BARHL1: variants seen among roughly 807,000 people sequenced by gnomAD.
BARHL1 encodes barH-like 1 homeobox protein.
In BARHL1, 2 loss-of-function variants were observed where a neutral mutation model predicts 20.1. The ratio of observed to expected loss-of-function variants is 0.10; its 90% CI spans 0.04 to 0.31. BARHL1 has a LOEUF of 0.31. BARHL1 is among the 10% of genes least tolerant of loss of function. The pLI is 1.00. For synonymous variants in BARHL1, 213 were observed against 209.9 expected, an observed-to-expected ratio of 1.01 and a Z score of -0.13; for missense variants, 397 against 454.0, an observed-to-expected ratio of 0.87 and a Z score of 1.14.
Position 132,589,293 on chromosome 9 carries a change from C to T in BARHL1, c.755C>T (p.Ala252Val), listed in dbSNP as rs1242466436. The T allele has an allele frequency of 6.2e-7, 1 of 1,613,416 alleles. No individual in the cohort carries two copies. Among genetic ancestry groups the T allele is most frequent in the East Asian group, 2.2e-5 (1 of 44,866 alleles). Residue 252 changes from alanine (A) to valine (V), a missense_variant, in exon 3 of 3, where the codon GCG becomes GTG. Physicochemically the swap from Ala to Val is moderately conservative, Grantham distance 64. This residue lies in a region of BARHL1 where 121 missense variants were observed against 135.9 expected (regional missense o/e 0.89). Transcript: ENST00000263610. Reference sequence around the variant, plus strand: ...CTGGCGGAGGCAGGCAATTACTCAGCGCTCCAGCGGATGTTCCCGTCGCCT... The same window carrying T: ...CTGGCGGAGGCAGGCAATTACTCAGTGCTCCAGCGGATGTTCCCGTCGCCT... ...ELLAEAGNYSALQRMFPSPYF... is the reference protein window; with the variant it reads ...ELLAEAGNYSVLQRMFPSPYF...
chr9:132,588,282 G>A (rs1027971833), intron 2 of BARHL1, among the ~76,000 whole-genome samples: 3 of 152,020 alleles, frequency 2.0e-5, no homozygotes, highest in Admixed American at 6.6e-5. Flanking sequence ...AGTCACACAC[G>A]CACGCACGCT....
chr9:132,587,588 A>G lies in BARHL1; in HGVS notation c.689+37A>G, dbSNP rs754795050. Reference sequence around the variant, plus strand: ...CTGCGGGGGTAGAGGCAGAAAGGGAACTTCCCCTTTCCTCACAGCTCCTGG... The same window carrying G: ...CTGCGGGGGTAGAGGCAGAAAGGGAGCTTCCCCTTTCCTCACAGCTCCTGG... On this transcript the variant is annotated intron_variant, in intron 2 of 2. Coordinates refer to ENST00000263610, the MANE Select transcript of BARHL1 (RefSeq NM_020064.4). The surrounding 1 kb of genome is among the most constrained non-coding windows in gnomAD (Gnocchi z 5.5). The G allele has an allele frequency of 6.4e-7, 1 of 1,560,224 alleles. No individual in the cohort carries two copies. The highest frequency in any genetic ancestry group is 1.4e-5 in the African/African-American group (1 of 73,598).
intron 1 of BARHL1, among the ~76,000 whole-genome samples, chr9:132,586,146 G>A (rs76017446): frequency 1.2e-3 from 179 of 152,212 alleles, no homozygotes; most frequent in Non-Finnish European, 2.0e-3. Context: ...GCAGCGAAGC[G>A]CTGCCTTTTC....
At position 132,589,201 on chromosome 9, in the gene BARHL1, G is replaced by A. The variant is rs201963724; in HGVS notation, c.690-27G>A. ...CGCTGGATGCCCTAGCCCTGATCCC[G>A]CCATACGCGTTTATTTCGGCCCCCA... On this transcript the variant is annotated intron_variant, in intron 2 of 2. Coordinates refer to ENST00000263610, the MANE Select transcript of BARHL1 (RefSeq NM_020064.4). 2.5e-4 allele frequency: 400 copies of A among 1,592,592 alleles called. 3 individuals are homozygous for A. The Admixed American group carries it at 6.3e-3, about 25-fold the overall frequency.
chr9:132,589,618 G>A lies in BARHL1; in HGVS notation c.*96G>A. 8.1e-7 allele frequency: 1 copy of A among 1,229,958 alleles called. No homozygotes were observed. Among genetic ancestry groups the A allele is most frequent in the Non-Finnish European group, 1.0e-6 (1 of 989,588 alleles). The allele number at this position is 1,229,958 out of a possible 1,614,324, so 76.2% of individuals were successfully genotyped here. A position where few individuals can be genotyped will look rare whatever the true frequency, so the allele number is the denominator to read the frequency against. ...GCAGGTTCGACGCCCTTTCCCGGGAGGGGGCCCTGCCCGGCCCTCCCTGGC... is the reference window on the plus strand; with the variant it reads ...GCAGGTTCGACGCCCTTTCCCGGGAAGGGGCCCTGCCCGGCCCTCCCTGGC... On this transcript the variant is annotated 3_prime_UTR_variant, in exon 3 of 3. Coordinates refer to ENST00000263610, the MANE Select transcript of BARHL1 (RefSeq NM_020064.4).
At position 132,583,833 on chromosome 9, in the gene BARHL1, C is replaced by T. The variant is rs575040689; in HGVS notation, c.466+570C>T. ...GAGGCACTCACTTCAAAGCAGAAAC[C>T]TCAGCCAGGAAGCTGCCTGGGAGCA... On this transcript the variant is annotated intron_variant, in intron 1 of 2. Coordinates refer to ENST00000263610, the MANE Select transcript of BARHL1 (RefSeq NM_020064.4). Among the ~76,000 whole-genome samples the T allele has an allele frequency of 8.5e-5, 13 of 152,306 alleles. No individual in the cohort carries two copies. The South Asian group carries it at 2.7e-3, about 32-fold the overall frequency.
At chr9:132,588,878 G>T in intron 2 of BARHL1, among the ~76,000 whole-genome samples, 1 of 152,108 alleles carries the variant, frequency 6.6e-6, no homozygotes, top group East Asian at 1.9e-4. Flanking sequence ...CCCCTACCCA[G>T]CTCCAAGGGT....
rs773508741 is a variant in BARHL1 at position 132,582,885 on chromosome 9, G to T, written c.88G>T (p.Gly30Trp). 3 of 1,613,150 alleles carry T rather than the reference G, an allele frequency of 1.9e-6. No homozygotes were observed. The highest frequency in any genetic ancestry group is 2.5e-6 in the Non-Finnish European group (3 of 1,179,892). Residue 30 changes from glycine (G) to tryptophan (W), a missense_variant, in exon 1 of 3, where the codon GGG becomes TGG. By Grantham distance (184) the Gly-to-Trp change is radical (BLOSUM62 -2). Coordinates refer to ENST00000263610, the MANE Select transcript of BARHL1 (RefSeq NM_020064.4). ...PALPKGDPLL[G>W]DCRSPLELSP... ...CCTTCCCAAGGGGGACCCCTTGCTC[G>T]GGGACTGCCGTTCGCCCCTGGAGCT...
Position 132,589,603 on chromosome 9 carries a change from C to T in BARHL1, c.*81C>T. The T allele has an allele frequency of 8.1e-7, 1 of 1,233,824 alleles. No individual in the cohort carries two copies. The highest frequency in any genetic ancestry group is 3.8e-5 in the South Asian group (1 of 26,418). The allele number at this position is 1,233,824 out of a possible 1,614,324, so 76.4% of individuals were successfully genotyped here. A position where few individuals can be genotyped will look rare whatever the true frequency, so the allele number is the denominator to read the frequency against. ...CGCCTTTCTGAGGGCGCAGGTTCGA[C>T]GCCCTTTCCCGGGAGGGGGCCCTGC... On this transcript the variant is annotated 3_prime_UTR_variant, in exon 3 of 3. Coordinates refer to ENST00000263610, the MANE Select transcript of BARHL1 (RefSeq NM_020064.4).
In BARHL1 at chr9:132,583,277, A is replaced by G. The variant is rs1420565845; in HGVS notation, c.466+14A>G. The G allele has an allele frequency of 1.3e-6, 2 of 1,589,812 alleles. No individual in the cohort carries two copies. Among genetic ancestry groups the G allele is most frequent in the Middle Eastern group, 1.7e-4 (1 of 5,964 alleles). ...CTGAGTATAAAGGTAAGAAAGCAGG[A>G]GGTGAAAACTTGGGGGGATGCTATG... On this transcript the variant is annotated intron_variant, in intron 1 of 2. Transcript: ENST00000263610.
Position 132,587,971 on chromosome 9 carries a change from TG to T in BARHL1, c.689+424del, listed in dbSNP as rs1431162384. Among the ~76,000 whole-genome samples, 1 of 152,130 alleles carries T rather than the reference TG, an allele frequency of 6.6e-6. No individual in the cohort carries two copies. Among genetic ancestry groups the T allele is most frequent in the Non-Finnish European group, 1.5e-5 (1 of 68,008 alleles). ...AAGAGGACGGCCAGGCAGTGGCCCT[TG>T]GGGTGTTGAAGCCTGGCCCAGACCG... is the stretch of plus-strand genomic sequence containing the variant. On this transcript the variant is annotated intron_variant, in intron 2 of 2. Transcript: ENST00000263610. The surrounding 1 kb of genome is among the most constrained non-coding windows in gnomAD (Gnocchi z 5.5).
In BARHL1 at chr9:132,582,864, C is replaced by T. The variant is rs528213989; in HGVS notation, c.67C>T (p.Pro23Ser). 27 of 1,612,572 alleles carry T rather than the reference C, an allele frequency of 1.7e-5. 1 individual carries two copies. The East Asian group carries it at 2.5e-4, about 15-fold the overall frequency. Reference protein sequence around the residue: ...LSHRAGSPALPKGDPLLGDCR... With the variant: ...LSHRAGSPALSKGDPLLGDCR... ...CCACCGCGCGGGCAGCCCCGCCCTT[C>T]CCAAGGGGGACCCCTTGCTCGGGGA... The change falls in exon 1 of 3, where the codon CCC becomes TCC. Residue 23 changes from proline to serine, a missense_variant. Physicochemically the swap from Pro to Ser is moderately conservative, Grantham distance 74. Around this residue, in one of 3 missense-constraint regions of BARHL1, gnomAD observed 272 missense variants for 298.7 expected, o/e 0.91. Transcript: ENST00000263610.
chr9:132,582,782 A>G lies in BARHL1; in HGVS notation c.-16A>G. On this transcript the variant is annotated 5_prime_UTR_variant, in exon 1 of 3. Transcript: ENST00000263610. ...TGGGTGGGGAGCTTTTGGGGAGGAC[A>G]GGTCGCAGCTTGGCTATGGAAGGCT... 6.4e-7 allele frequency: 1 copy of G among 1,560,950 alleles called. No homozygotes were observed. The highest frequency in any genetic ancestry group is 8.7e-7 in the Non-Finnish European group (1 of 1,147,114).
intron 1 of BARHL1, 116 bp downstream of exon 1, chr9:132,583,379 C>T: frequency 2.3e-6 from 2 of 872,270 alleles, no homozygotes; most frequent in East Asian, 5.3e-5. Flanking sequence ...CCCCAGGGCT[C>T]AGGTTGAGCA....
intron 1 of BARHL1, among the ~76,000 whole-genome samples, chr9:132,586,986 G>A (rs1268227228): frequency 6.6e-6 from 1 of 152,250 alleles, no homozygotes; most frequent in Non-Finnish European, 1.5e-5. Context: ...GGCAGGCTGG[G>A]TCCGGTTCCA....
Position 132,587,528 on chromosome 9 carries a change from C to G in BARHL1, c.666C>G (p.Val222=). 1 of 1,611,968 alleles carries G rather than the reference C, an allele frequency of 6.2e-7. No individual in the cohort carries two copies. Among genetic ancestry groups the G allele is most frequent in the Non-Finnish European group, 8.5e-7 (1 of 1,179,234 alleles). The change falls in exon 2 of 3, where the codon GTC becomes GTG. Residue 222 remains valine, a synonymous_variant. Transcript: ENST00000263610. The surrounding 1 kb of genome is among the most constrained non-coding windows in gnomAD (Gnocchi z 5.5). ...AASLNLTDTQ[V]KTWYQNRRTK... Reference sequence around the variant, plus strand: ...CGCTCAACCTCACCGACACGCAGGTCAAGACCTGGTACCAGAACCGCAGGT... The same window carrying G: ...CGCTCAACCTCACCGACACGCAGGTGAAGACCTGGTACCAGAACCGCAGGT...
chr9:132,585,315 T>A (rs950365408), intron 1 of BARHL1, among the ~76,000 whole-genome samples: 3 of 152,110 alleles, frequency 2.0e-5, no homozygotes, highest in Non-Finnish European at 4.4e-5. Flanking sequence ...TTTTCAGAGC[T>A]GAGAAACAGA....
chr9:132,582,854 C>T lies in BARHL1; in HGVS notation c.57C>T (p.Ser19=). ...CCATTCTCTCCCACCGCGCGGGCAG[C>T]CCCGCCCTTCCCAAGGGGGACCCCT... ...IDSILSHRAG[S]PALPKGDPLL... is the part of the protein sequence containing the mutation. The change falls in exon 1 of 3, where the codon AGC becomes AGT. Residue 19 remains serine, a synonymous_variant. Transcript: ENST00000263610. 6.2e-7 allele frequency: 1 copy of T among 1,610,716 alleles called. No individual in the cohort carries two copies. The highest frequency in any genetic ancestry group is 8.5e-7 in the Non-Finnish European group (1 of 1,178,700).
chr9:132,586,533 T>G (rs1830145835), intron 1 of BARHL1, among the ~76,000 whole-genome samples: 8 of 152,272 alleles, frequency 5.3e-5, no homozygotes, highest in Admixed American at 5.2e-4. Context: ...GTCCCGACTG[T>G]GGGGTGTAAA....
Sources: allele counts gnomAD v4.1 joint callset (sites outside exome capture counted in the v4.1 genomes callset), GRCh38; gene constraint gnomAD v4.1.1; regional missense constraint gnomAD v4.1.1; non-coding constraint Gnocchi (gnomAD v3.1); transcripts MANE v1.5; gene names NCBI Gene and HGNC (gene_info 2026-07-23, HGNC 2026-07-21).